Variants in NUDCD1 observed in about 807,000 individuals in gnomAD.
NUDCD1 encodes nudC domain-containing protein 1.
A neutral mutation model predicts 67.8 loss-of-function variants in NUDCD1; 60 were observed. That is an observed-to-expected ratio of 0.88 (90% CI 0.72 to 1.10). The LOEUF is 1.10. NUDCD1 is among the 50% of genes least tolerant of loss of function. The pLI, the probability that NUDCD1 is intolerant of heterozygous loss-of-function variation, is 0.00. For synonymous variants in NUDCD1, 244 were observed against 230.8 expected (o/e 1.06, Z -0.52); for missense variants, 643 against 695.0 (o/e 0.93, Z 0.84).
Position 109,245,408 on chromosome 8 carries a change from C to A in NUDCD1, c.1373G>T (p.Arg458Leu), listed in dbSNP as rs765083084. ...DPKEMPCFCL[R>L]HDVDALLWQP... ...CCAGAGTAGGGCATCAACATCATGGCGCAAACAGAAGCAGGGCATTTCTTT... is the reference window on the plus strand; with the variant it reads ...CCAGAGTAGGGCATCAACATCATGGAGCAAACAGAAGCAGGGCATTTCTTT... The change falls in exon 9 of 10, where the codon CGC (arginine) becomes CTC (leucine). Residue 458 changes from arginine (R) to leucine (L), a missense_variant. Transcript: ENST00000239690. The A allele has an allele frequency of 6.2e-7, 1 of 1,613,674 alleles. No individual in the cohort carries two copies.
chr8:109,255,144 C>T (rs1813700535), intron 8 of NUDCD1, among the ~76,000 whole-genome samples: 2 of 152,154 alleles, frequency 1.3e-5, no homozygotes, highest in Non-Finnish European at 2.9e-5. Context: ...CTCCCAAAGT[C>T]CATTTTATAG....
intron 1 of NUDCD1, among the ~76,000 whole-genome samples, chr8:109,327,038 G>A (rs2980639): frequency 0.74 from 111,830 of 152,118 alleles, 42,191 homozygotes; most frequent in African/African-American, 0.91. Context: ...AATCTTTAAA[G>A]AGGGGGAAGA....
rs767802061 is a variant in NUDCD1 at position 109,329,225 on chromosome 8, A to G, written c.118+4668T>C. 7.8e-4 allele frequency among the ~76,000 whole-genome samples: 119 copies of G among 152,308 alleles called. No homozygotes were observed. The Middle Eastern group carries it at 0.017, about 22-fold the overall frequency. ...TGAAGAAAAAATGAAACGGGCATTCATGAGCTGAGACCAACTTCTGTGATC... is the reference window on the plus strand; with the variant it reads ...TGAAGAAAAAATGAAACGGGCATTCGTGAGCTGAGACCAACTTCTGTGATC... On this transcript the variant is annotated intron_variant, in intron 1 of 9. Coordinates refer to ENST00000239690, the MANE Select transcript of NUDCD1 (RefSeq NM_032869.4).
In NUDCD1 at chr8:109,271,057, T is replaced by G. The variant is rs779601631; in HGVS notation, c.1247A>C (p.Glu416Ala). The change falls in exon 8 of 10, where the codon GAG becomes GCG. Residue 416 changes from glutamate to alanine, a missense_variant. Physicochemically the swap from Glu to Ala is moderately radical, Grantham distance 107. Transcript: ENST00000239690. ...ELEECDIFFE[E>A]SSSLCRFDGN... ...ATCAAATCTGCATAAACTGGAGCTC[T>G]CTTCAAAGAAAATATCACATTCTTC... 1.9e-6 allele frequency: 3 copies of G among 1,596,834 alleles called. No homozygotes were observed. The highest frequency in any genetic ancestry group is 1.7e-5 in the Admixed American group (1 of 59,470).
intron 8 of NUDCD1, among the ~76,000 whole-genome samples, chr8:109,251,797 C>T (rs990988927): frequency 2.0e-5 from 3 of 151,898 alleles, no homozygotes; most frequent in African/African-American, 7.3e-5. Context: ...CTTCTGCTTG[C>T]TTTAGATTTA....
At chr8:109,313,218 C>T (rs1412554155) in intron 2 of NUDCD1, among the ~76,000 whole-genome samples, 1 of 152,110 alleles carries the variant, frequency 6.6e-6, no homozygotes, top group African/African-American at 2.4e-5. Context: ...ACCACAGATG[C>T]GTGCCTGGTA....
At chr8:109,325,050 A>G (rs1336495529) in intron 1 of NUDCD1, among the ~76,000 whole-genome samples, 1 of 152,164 alleles carries the variant, frequency 6.6e-6, no homozygotes, top group East Asian at 1.9e-4. Flanking sequence ...AGATCGCTCC[A>G]CTGCACTCCA....
chr8:109,295,746 C>G (rs2130041333), intron 3 of NUDCD1, among the ~76,000 whole-genome samples: 1 of 152,172 alleles, frequency 6.6e-6, no homozygotes, highest in East Asian at 1.9e-4. Context: ...TAGCATAACT[C>G]AAAGGAGCTG....
intron 8 of NUDCD1, among the ~76,000 whole-genome samples, chr8:109,259,172 T>C (rs1404186600): frequency 6.6e-6 from 1 of 152,242 alleles, no homozygotes; most frequent in Admixed American, 6.5e-5. Flanking sequence ...ATAGCATCTC[T>C]TTCCAAAGCA....
chr8:109,248,812 T>C (rs947866496), intron 8 of NUDCD1, among the ~76,000 whole-genome samples: 6 of 152,116 alleles, frequency 3.9e-5, no homozygotes, highest in Non-Finnish European at 8.8e-5. Context: ...CACTATTACT[T>C]TCCTTAAAAT....
chr8:109,262,958 G>A (rs548191857), intron 8 of NUDCD1, among the ~76,000 whole-genome samples: 20 of 146,884 alleles, frequency 1.4e-4, no homozygotes, highest in African/African-American at 5.0e-4. Flanking sequence ...AGGAGGCTGA[G>A]GCAGGAGAAT....
intron 8 of NUDCD1, among the ~76,000 whole-genome samples, chr8:109,266,954 C>A (rs945557147): frequency 6.6e-6 from 1 of 152,076 alleles, no homozygotes; most frequent in African/African-American, 2.4e-5. Context: ...CTTTTCATTA[C>A]AGTATTATTT....
intron 2 of NUDCD1, among the ~76,000 whole-genome samples, chr8:109,308,252 A>G (rs1183504214): frequency 6.6e-6 from 1 of 152,250 alleles, no homozygotes. Flanking sequence ...TGAAATCAAG[A>G]TGGAAATTAA....
chr8:109,313,988 TTC>T, intron 2 of NUDCD1: 1 of 359,604 alleles, frequency 2.8e-6, no homozygotes, highest in Non-Finnish European at 5.4e-6. Context: ...AACTAAATGT[TTC>T]TGATTGTTTA....
chr8:109,279,840 C>T (rs1187764011), intron 6 of NUDCD1, among the ~76,000 whole-genome samples: 1 of 152,120 alleles, frequency 6.6e-6, no homozygotes, highest in Non-Finnish European at 1.5e-5. Context: ...CCATGTTGGT[C>T]AGGCTGGTCT....
chr8:109,275,157 T>C (rs149551489), intron 7 of NUDCD1, among the ~76,000 whole-genome samples, 195 bp downstream of exon 7: 17 of 152,256 alleles, frequency 1.1e-4, no homozygotes, highest in African/African-American at 4.1e-4. Flanking sequence ...ACCACACATA[T>C]ATGTATGTAT....
chr8:109,286,964 G>A (rs1814588305), intron 5 of NUDCD1, among the ~76,000 whole-genome samples: 1 of 152,000 alleles, frequency 6.6e-6, no homozygotes, highest in Non-Finnish European at 1.5e-5. Context: ...CAAAAGACAT[G>A]AACAGCACTT....
At chr8:109,288,798 T>C (rs1312236525) in intron 5 of NUDCD1, among the ~76,000 whole-genome samples, 2 of 152,114 alleles carry the variant, frequency 1.3e-5, no homozygotes, top group African/African-American at 4.8e-5. Context: ...ATTCAAAGAA[T>C]AATATGTAGA....
chr8:109,299,595 A>G (rs1814927042), intron 2 of NUDCD1, among the ~76,000 whole-genome samples: 1 of 152,102 alleles, frequency 6.6e-6, no homozygotes, highest in Non-Finnish European at 1.5e-5. Context: ...CAGCTGTGGC[A>G]AGAAATGCCC....
Sources: gnomAD v4.1 joint callset for allele counts (sites outside exome capture counted in the v4.1 genomes callset) on GRCh38, gnomAD v4.1.1 for gene constraint, MANE v1.5 for transcripts, NCBI Gene and HGNC (gene_info 2026-07-23, HGNC 2026-07-21) for gene names.